QKI: variants seen among roughly 807,000 people sequenced by gnomAD.
QKI encodes the protein QKI, KH domain containing RNA binding, also known as KH domain-containing RNA-binding protein QKI.
A neutral mutation model predicts 39.0 loss-of-function variants in QKI; 10 were observed. The observed-to-expected ratio is 0.26, with a 90% CI of 0.16 to 0.43. The LOEUF (loss-of-function observed/expected upper bound fraction) is 0.43, where lower values mean the gene tolerates loss of function less well. QKI is among the 20% of genes least tolerant of loss of function. The pLI, the probability that QKI is intolerant of heterozygous loss-of-function variation, is 1.00. For missense variants in QKI, 218 were observed against 428.0 expected (o/e 0.51, Z 4.33); for synonymous variants, 204 against 155.4 (o/e 1.31, Z -2.33).
At chr6:163,429,568 C>G (rs907884688) in intron 1 of QKI, among the ~76,000 whole-genome samples, 2 of 152,060 alleles carry the variant, frequency 1.3e-5, no homozygotes, top group Non-Finnish European at 2.9e-5. Context: ...CATTAAGTGG[C>G]TTTAGAAGTT....
chr6:163,464,388 C>T (rs1791573480), intron 2 of QKI, among the ~76,000 whole-genome samples: 1 of 150,844 alleles, frequency 6.6e-6, no homozygotes, highest in Admixed American at 6.6e-5. Flanking sequence ...AAATAGAGGC[C>T]AGGAATACAA....
intron 7 of QKI, chr6:163,568,014 G>A (rs1200612035): frequency 1.7e-5 from 17 of 985,452 alleles, no homozygotes; most frequent in Non-Finnish European, 2.0e-5. Context: ...TTAAACTAAT[G>A]TATTCATCAC....
chr6:163,424,821 G>A (rs775030542), intron 1 of QKI, among the ~76,000 whole-genome samples: 1 of 151,754 alleles, frequency 6.6e-6, no homozygotes, highest in Non-Finnish European at 1.5e-5. Context: ...AGTAGAGACA[G>A]GGTTTCACCA....
chr6:163,561,495 C>T (rs1199652639), intron 4 of QKI, among the ~76,000 whole-genome samples: 1 of 152,110 alleles, frequency 6.6e-6, no homozygotes, highest in African/African-American at 2.4e-5. Context: ...CTAGTCGCAG[C>T]TACTTCGGAG....
At chr6:163,453,636 G>A (rs946922839) in intron 1 of QKI, among the ~76,000 whole-genome samples, 14 of 152,074 alleles carry the variant, frequency 9.2e-5, no homozygotes, top group Admixed American at 3.9e-4. Flanking sequence ...GACATTATTA[G>A]GAAAGATTTA....
chr6:163,450,829 A>G lies in QKI; in HGVS notation c.143-4450A>G, dbSNP rs75797096. Among the ~76,000 whole-genome samples, 407 of 152,330 alleles carry G rather than the reference A, an allele frequency of 2.7e-3. 1 individual carries two copies. Among genetic ancestry groups the G allele is most frequent in the African/African-American group, 8.8e-3 (364 of 41,588 alleles). ...TACTCCCCAAAGCTGAAAAATGTATATGCTAAATTTGATGGCATAACCTGT... is the reference window on the plus strand; with the variant it reads ...TACTCCCCAAAGCTGAAAAATGTATGTGCTAAATTTGATGGCATAACCTGT... On this transcript the variant is annotated intron_variant, in intron 1 of 7. Coordinates refer to ENST00000361752, the MANE Select transcript of QKI (RefSeq NM_006775.3).
chr6:163,455,839 A>G (rs1224964145), intron 2 of QKI, among the ~76,000 whole-genome samples: 1 of 152,198 alleles, frequency 6.6e-6, no homozygotes. Context: ...GAAACCACTG[A>G]TTGTAATCTG....
At chr6:163,460,467 TTGA>T (rs1315046271) in intron 2 of QKI, among the ~76,000 whole-genome samples, 25 of 152,326 alleles carry the variant, frequency 1.6e-4, no homozygotes, top group Non-Finnish European at 1.9e-4. Flanking sequence ...ATAATACATG[TTGA>T]TGATGGAACA....
At position 163,576,400 on chromosome 6, in the gene QKI, A is replaced by C. The variant is rs1783975400; in HGVS notation, c.*5690A>C. 6.6e-6 allele frequency: 1 copy of C among 152,166 alleles called. No homozygotes were observed. The highest frequency in any genetic ancestry group is 2.1e-4 in the South Asian group (1 of 4,824). The allele number at this position is 152,166 out of a possible 1,614,324, so 9.4% of individuals were successfully genotyped here. A position where few individuals can be genotyped will look rare whatever the true frequency, so the allele number is the denominator to read the frequency against. On this transcript the variant is annotated 3_prime_UTR_variant, in exon 8 of 8. Transcript: ENST00000361752. ...GCCACAGTGTTGATTCCACATTATA[A>C]TGTTGTTGCCTCTTCTTGGCAAAAG... is the stretch of plus-strand genomic sequence containing the variant.
intron 1 of QKI, among the ~76,000 whole-genome samples, chr6:163,422,571 A>G (rs1788075707): frequency 6.6e-6 from 1 of 152,220 alleles, no homozygotes; most frequent in Non-Finnish European, 1.5e-5. Context: ...ACCTTGGGCA[A>G]CAGTGAGACC....
chr6:163,521,091 GAAGA>G (rs1780126388), intron 3 of QKI, among the ~76,000 whole-genome samples: 1 of 152,076 alleles, frequency 6.6e-6, no homozygotes, highest in African/African-American at 2.4e-5. Context: ...GAATTTAAGT[GAAGA>G]AAGAACTCCA....
rs1777686446 is a variant in QKI, at chr6:163,578,179, T to G, written c.*7469T>G. 6.6e-6 allele frequency: 1 copy of G among 152,196 alleles called. No individual in the cohort carries two copies. Among genetic ancestry groups the G allele is most frequent in the Non-Finnish European group, 1.5e-5 (1 of 68,034 alleles). The allele number at this position is 152,196 out of a possible 1,614,324, so 9.4% of individuals were successfully genotyped here. ...GGATGAAAATCTACTGTAGTCTGTT[T>G]TAAAGTATGCTATACTATGTTCATT... On this transcript the variant is annotated 3_prime_UTR_variant, in exon 8 of 8. Coordinates refer to ENST00000361752, the MANE Select transcript of QKI (RefSeq NM_006775.3).
intron 1 of QKI, among the ~76,000 whole-genome samples, chr6:163,418,202 C>T (rs571585471): frequency 1.3e-5 from 2 of 151,388 alleles, no homozygotes; most frequent in Non-Finnish European, 2.9e-5. Context: ...TAACATCGTG[C>T]TTAGAGTAGA....
chr6:163,527,171 T>G (rs1407277767), intron 3 of QKI, among the ~76,000 whole-genome samples: 1 of 152,274 alleles, frequency 6.6e-6, no homozygotes, highest in East Asian at 1.9e-4. Flanking sequence ...GCTTTGAAAG[T>G]GTAGTTTTTG....
intron 2 of QKI, among the ~76,000 whole-genome samples, chr6:163,467,480 A>C (rs941885223): frequency 1.3e-5 from 2 of 152,248 alleles, no homozygotes; most frequent in Non-Finnish European, 2.9e-5. Flanking sequence ...TTCTATTTCA[A>C]CATGGAAGTA....
chr6:163,552,878 T>C (rs1301702888), intron 4 of QKI, among the ~76,000 whole-genome samples: 1 of 151,910 alleles, frequency 6.6e-6, no homozygotes, highest in East Asian at 1.9e-4. Context: ...ATATTTTCAC[T>C]TTCAGAACTT....
chr6:163,568,298 C>G (rs1783493180), intron 7 of QKI: 1 of 984,918 alleles, frequency 1.0e-6, no homozygotes, highest in African/African-American at 1.7e-5. Context: ...TAGGAGATTT[C>G]TCACCATTTT....
intron 3 of QKI, among the ~76,000 whole-genome samples, chr6:163,492,784 G>C (rs1203823882): frequency 2.6e-5 from 4 of 152,064 alleles, no homozygotes; most frequent in African/African-American, 9.7e-5. Context: ...GTGAGTAAAC[G>C]GATGCCTATA....
chr6:163,528,356 C>G (rs1016175677), intron 3 of QKI, among the ~76,000 whole-genome samples: 3 of 152,078 alleles, frequency 2.0e-5, no homozygotes, highest in Non-Finnish European at 4.4e-5. Flanking sequence ...TTTTATGATG[C>G]TGTTTTAGGT....
Sources: allele counts gnomAD v4.1 joint callset (sites outside exome capture counted in the v4.1 genomes callset), GRCh38; gene constraint gnomAD v4.1.1; transcripts MANE v1.5; gene names NCBI Gene and HGNC (gene_info 2026-07-23, HGNC 2026-07-21).